Variants in RGS6 observed in about 807,000 individuals in gnomAD.
RGS6 encodes the protein regulator of G-protein signaling 6.
RGS6 carries 30 observed loss-of-function variants against 78.5 expected under a neutral mutation model. The ratio of observed to expected loss-of-function variants is 0.38; its 90% CI spans 0.29 to 0.52. The LOEUF is 0.52. Among genes scored for constraint, RGS6 ranks in the 20% least tolerant of loss-of-function variants. The probability of loss-of-function intolerance (pLI) is 0.85; values close to 1 mark genes in which losing one functional copy is unlikely to be tolerated. For synonymous variants in RGS6, 206 were observed against 206.0 expected (o/e 1.00, Z 0.00); for missense variants, 495 against 609.7 (o/e 0.81, Z 1.98).
At chr14:72,071,817 CAG>C (rs941005042) in intron 2 of RGS6, among the ~76,000 whole-genome samples, 5 of 152,122 alleles carry the variant, frequency 3.3e-5, no homozygotes, top group African/African-American at 1.2e-4. Flanking sequence ...GAAATATGAA[CAG>C]AACATATAGA....
At chr14:72,445,693 C>T (rs887611514) in intron 3 of RGS6, among the ~76,000 whole-genome samples, 7 of 152,256 alleles carry the variant, frequency 4.6e-5, no homozygotes, top group Admixed American at 3.3e-4. Context: ...CAACTATCAA[C>T]GAATAAGCAT....
intron 2 of RGS6, among the ~76,000 whole-genome samples, chr14:72,060,520 A>G (rs1265802202): frequency 1.3e-5 from 2 of 152,150 alleles, no homozygotes; most frequent in African/African-American, 2.4e-5. Flanking sequence ...ATAGTTACCA[A>G]TGTCTTTTTA....
chr14:72,250,321 A>G (rs555792862), intron 2 of RGS6, among the ~76,000 whole-genome samples: 1 of 150,748 alleles, frequency 6.6e-6, no homozygotes, highest in Non-Finnish European at 1.5e-5. Flanking sequence ...AAATTTTCCT[A>G]GAAGCCTTCT....
At chr14:72,273,889 A>C (rs894487025) in intron 2 of RGS6, among the ~76,000 whole-genome samples, 22 of 152,196 alleles carry the variant, frequency 1.4e-4, no homozygotes, top group Non-Finnish European at 3.1e-4. Context: ...TAGAAGTGGA[A>C]TTTCCTCCGG....
chr14:72,328,920 A>G (rs1188942783), intron 2 of RGS6, among the ~76,000 whole-genome samples: 4 of 152,212 alleles, frequency 2.6e-5, no homozygotes, highest in Non-Finnish European at 5.9e-5. Flanking sequence ...TGCCCAGGCT[A>G]GAGTGCAATG....
intron 13 of RGS6, among the ~76,000 whole-genome samples, chr14:72,498,639 T>C (rs1383395905): frequency 1.3e-5 from 2 of 152,168 alleles, no homozygotes; most frequent in African/African-American, 4.8e-5. Flanking sequence ...ACTCTATCAG[T>C]AGCTGGTGAG....
chr14:71,963,648 CT>C (rs1566918818), intron 1 of RGS6, among the ~76,000 whole-genome samples: 1 of 152,242 alleles, frequency 6.6e-6, no homozygotes, highest in African/African-American at 2.4e-5. Flanking sequence ...CGTGTTTTCA[CT>C]TAGCATGTTT....
intron 12 of RGS6, among the ~76,000 whole-genome samples, chr14:72,494,658 A>G (rs2096620824): frequency 6.6e-6 from 1 of 152,058 alleles, no homozygotes; most frequent in Non-Finnish European, 1.5e-5. Context: ...GCTTTTTTGG[A>G]AAAAAATGCA....
chr14:72,414,230 T>C (rs889917509), intron 3 of RGS6, among the ~76,000 whole-genome samples: 11 of 152,250 alleles, frequency 7.2e-5, no homozygotes, highest in African/African-American at 2.2e-4. Flanking sequence ...TTTGGGCTTT[T>C]CACATACTCC....
chr14:71,994,989 T>C (rs1447770510), intron 2 of RGS6, among the ~76,000 whole-genome samples: 1 of 152,174 alleles, frequency 6.6e-6, no homozygotes, highest in Non-Finnish European at 1.5e-5. Context: ...CCCTGTCCTA[T>C]GTGGAACTGG....
At chr14:72,466,442 T>TA (rs1339886252) in intron 7 of RGS6, among the ~76,000 whole-genome samples, 1 of 152,242 alleles carries the variant, frequency 6.6e-6, no homozygotes, top group Non-Finnish European at 1.5e-5. Flanking sequence ...CTAATGTTCA[T>TA]ACAAGCTTAA....
the RGS6 span, among the ~76,000 whole-genome samples, chr14:71,925,051 T>A: frequency 0.043 from 6,489 of 152,296 alleles, 439 homozygotes; most frequent in African/African-American, 0.14. Flanking sequence ...AGTGTACCCT[T>A]TTTTCCACCT....
At chr14:72,330,432 G>C (rs1437621536) in intron 2 of RGS6, among the ~76,000 whole-genome samples, 1 of 152,166 alleles carries the variant, frequency 6.6e-6, no homozygotes, top group Non-Finnish European at 1.5e-5. Context: ...AAGTTCTCGA[G>C]AACCAGCAGC....
In RGS6 at chr14:72,540,023, T is replaced by TC. The variant is rs2097301356; in HGVS notation, c.1369-18_1369-17insC. 1 of 1,417,880 alleles carries TC rather than the reference T, an allele frequency of 7.1e-7. No homozygotes were observed. Among genetic ancestry groups the TC allele is most frequent in the Non-Finnish European group, 9.4e-7 (1 of 1,062,850 alleles). 87.8% of individuals were successfully genotyped at this position (1,417,880 alleles called of 1,614,324 possible). ...TTTTCTGTATTTTTCTCCCTACCCT[T>TC]TTTTTTTTTTCCTAAAGCCAGAAAG... On this transcript the variant is annotated splice_polypyrimidine_tract_variant and intron_variant, in intron 16 of 17. Transcript: ENST00000553525.
chr14:72,539,652 A>T (rs1443910770), intron 16 of RGS6, among the ~76,000 whole-genome samples: 1 of 152,166 alleles, frequency 6.6e-6, no homozygotes, highest in Non-Finnish European at 1.5e-5. Flanking sequence ...CCCCAGGGCC[A>T]CAACCACCAG....
intron 2 of RGS6, among the ~76,000 whole-genome samples, chr14:72,173,388 C>T (rs778523596): frequency 6.6e-6 from 1 of 152,134 alleles, no homozygotes; most frequent in Non-Finnish European, 1.5e-5. Flanking sequence ...AACTCAACTC[C>T]CTTTCTGCAC....
chr14:72,468,887 T>A (rs1478663421), intron 7 of RGS6, among the ~76,000 whole-genome samples: 1 of 152,308 alleles, frequency 6.6e-6, no homozygotes, highest in East Asian at 1.9e-4. Flanking sequence ...TGTGAGCTCA[T>A]GTGTGGTACT....
chr14:72,182,234 C>T (rs982240196), intron 2 of RGS6, among the ~76,000 whole-genome samples: 3 of 151,776 alleles, frequency 2.0e-5, no homozygotes, highest in Non-Finnish European at 2.9e-5. Context: ...ATGGTGAAAC[C>T]CCATCTCTAC....
At chr14:72,229,665 T>G (rs951882464) in intron 2 of RGS6, among the ~76,000 whole-genome samples, 2 of 152,212 alleles carry the variant, frequency 1.3e-5, no homozygotes, top group African/African-American at 4.8e-5. Flanking sequence ...TAGTGACAGA[T>G]GCACAGATCA....
Sources: allele counts gnomAD v4.1 joint callset (sites outside exome capture counted in the v4.1 genomes callset), GRCh38; gene constraint gnomAD v4.1.1; transcripts MANE v1.5; gene names NCBI Gene and HGNC (gene_info 2026-07-23, HGNC 2026-07-21).